The following PPIP5K1 variants were observed in gnomAD, a reference collection of about 807,000 sequenced individuals.
The protein encoded by PPIP5K1 is diphosphoinositol pentakisphosphate kinase 1.
Under a neutral mutation model 27.7 loss-of-function variants are expected in PPIP5K1, and 6 were observed. The ratio of observed to expected loss-of-function variants is 0.22; its 90% CI spans 0.12 to 0.43. The LOEUF (loss-of-function observed/expected upper bound fraction) is 0.43, where lower values mean the gene tolerates loss of function less well. PPIP5K1 is among the 20% of genes least tolerant of loss of function. The probability of loss-of-function intolerance (pLI) is 1.00; values close to 1 mark genes in which losing one functional copy is unlikely to be tolerated. For missense variants in PPIP5K1, 394 were observed against 635.4 expected (o/e 0.62, Z 4.08); for synonymous variants, 145 against 242.6 (o/e 0.60, Z 3.74).
intron 30 of PPIP5K1, among the ~76,000 whole-genome samples, chr15:43,542,550 G>A (rs1179604381): frequency 6.6e-6 from 1 of 151,920 alleles, no homozygotes; most frequent in Non-Finnish European, 1.5e-5. Context: ...CTTGGCCTTC[G>A]AAAGTGCTGG....
intron 29 of PPIP5K1, among the ~76,000 whole-genome samples, chr15:43,559,223 C>T (rs1404762920): frequency 6.6e-6 from 1 of 152,092 alleles, no homozygotes; most frequent in African/African-American, 2.4e-5. Flanking sequence ...AAACAGAATC[C>T]CAGTAGGGTA....
chr15:43,537,982 G>A (rs2080133997), intron 31 of PPIP5K1, among the ~76,000 whole-genome samples: 1 of 152,110 alleles, frequency 6.6e-6, no homozygotes, highest in South Asian at 2.1e-4. Flanking sequence ...AAACAGAAGA[G>A]GGAGAAGGGT....
rs1433688717 is a variant in PPIP5K1 at position 43,535,438 on chromosome 15, G to A, written c.3709C>T (p.Pro1237Ser). The change falls in exon 32 of 32, where the codon CCT (proline) becomes TCT (serine). Residue 1237 changes from proline (P) to serine (S), a missense_variant. Around this residue, in one of 4 missense-constraint regions of PPIP5K1, gnomAD observed 379 missense variants for 423.9 expected, o/e 0.89. Transcript: ENST00000420765. ...GPSSTVSSAG[P>S]SSPTTVDGNS... ...CCATCTACTGTAGTAGGGGAAGAAG[G>A]ACCAGCACTGGACACAGTGCTAGAA... 1.2e-6 allele frequency: 2 copies of A among 1,607,916 alleles called. No homozygotes were observed. Among genetic ancestry groups the A allele is most frequent in the East Asian group, 2.2e-5 (1 of 44,870 alleles).
chr15:43,549,027 CAAAAAAAAA>C (rs1160828750), intron 30 of PPIP5K1, among the ~76,000 whole-genome samples: 14 of 28,664 alleles, frequency 4.9e-4, no homozygotes, highest in African/African-American at 1.6e-3. Context: ...GACTCCATCT[CAAAAAAAAA>C]AAAAAAAAAA....
At chr15:43,555,153 A>G (rs2082772872) in intron 30 of PPIP5K1, among the ~76,000 whole-genome samples, 1 of 152,044 alleles carries the variant, frequency 6.6e-6, no homozygotes, top group Non-Finnish European at 1.5e-5. Flanking sequence ...AGTATAAACT[A>G]TAAATTAATA....
chr15:43,551,777 G>C (rs1595805690), intron 30 of PPIP5K1, among the ~76,000 whole-genome samples: 1 of 150,256 alleles, frequency 6.7e-6, no homozygotes, highest in Non-Finnish European at 1.5e-5. Flanking sequence ...TAATTTTTTT[G>C]TATTTTTAGT....
Position 43,535,151 on chromosome 15 carries a change from G to A in PPIP5K1, c.3996C>T (p.Leu1332=). The change falls in exon 32 of 32, where the codon CTC becomes CTT. Residue 1332 remains leucine (L), a synonymous_variant. Transcript: ENST00000420765. ...SQPCQDISEA[L]SQPCQKVPDI... is the part of the protein sequence containing the mutation. ...CAGGGACCTTCTGACATGGCTGGCT[G>A]AGCGCCTCAGAAATGTCCTGGCATG... is the stretch of plus-strand genomic sequence containing the variant. The A allele has an allele frequency of 6.2e-7, 1 of 1,613,338 alleles. No homozygotes were observed. The highest frequency in any genetic ancestry group is 8.5e-7 in the Non-Finnish European group (1 of 1,179,782).
intron 29 of PPIP5K1, among the ~76,000 whole-genome samples, chr15:43,559,269 A>G (rs1449404744): frequency 2.0e-5 from 3 of 152,212 alleles, no homozygotes; most frequent in Non-Finnish European, 4.4e-5. Flanking sequence ...CTAGGGGAAT[A>G]AAACAAGGAT....
chr15:43,552,388 T>C (rs2082317929), intron 30 of PPIP5K1, among the ~76,000 whole-genome samples: 1 of 152,058 alleles, frequency 6.6e-6, no homozygotes, highest in South Asian at 2.1e-4. Flanking sequence ...TTGTGAGTTC[T>C]TCTTCGACTC....
At chr15:43,557,830 T>G (rs868099384) in intron 30 of PPIP5K1, among the ~76,000 whole-genome samples, 36 of 129,294 alleles carry the variant, frequency 2.8e-4, no homozygotes, top group African/African-American at 9.9e-4. Flanking sequence ...ATGCATAGCC[T>G]TTTTTTTTTT....
At chr15:43,579,564 C>A (rs1288630086) in intron 10 of PPIP5K1, among the ~76,000 whole-genome samples, 1 of 59,224 alleles carries the variant, frequency 1.7e-5, no homozygotes, top group Non-Finnish European at 2.5e-5. Flanking sequence ...TACATATATA[C>A]GTACATATAT....
At chr15:43,557,290 T>C (rs2083099723) in intron 30 of PPIP5K1, among the ~76,000 whole-genome samples, 1 of 152,010 alleles carries the variant, frequency 6.6e-6, no homozygotes, top group South Asian at 2.1e-4. Flanking sequence ...CTACTAAAAA[T>C]ACAAAAATTA....
chr15:43,549,503 A>G (rs937184461), intron 30 of PPIP5K1, among the ~76,000 whole-genome samples: 1 of 151,950 alleles, frequency 6.6e-6, no homozygotes, highest in Non-Finnish European at 1.5e-5. Context: ...TCTACAAAAA[A>G]TTAGCCAGCC....
Position 43,534,837 on chromosome 15 carries a change from A to C in PPIP5K1, c.4310T>G (p.Ile1437Ser), listed in dbSNP as rs201218665. ...CACAGAGAACTCCTGGTATGGCTGG[A>C]TGACCTCCTCAGGGATCTCTTCAGC... ...SPAEEIPEEV[I>S]QPYQEFSVEV... The change falls in exon 32 of 32, where the codon ATC becomes AGC. Residue 1437 changes from isoleucine to serine, a missense_variant. Ile to Ser is a moderately radical substitution (Grantham distance 142, BLOSUM62 -2). This residue lies in a region of PPIP5K1 where 379 missense variants were observed against 423.9 expected (regional missense o/e 0.89). Coordinates refer to ENST00000420765, the MANE Select transcript of PPIP5K1 (RefSeq NM_001394395.1). 6.2e-7 allele frequency: 1 copy of C among 1,611,850 alleles called. No homozygotes were observed.
In PPIP5K1 at chr15:43,581,211, C is replaced by T. The variant is rs1181798350; in HGVS notation, c.939+16G>A. On this transcript the variant is annotated intron_variant, in intron 9 of 31. Transcript: ENST00000420765. ...CTTTCTCCTTCATTTCACAACCTCC[C>T]TGGGCCCTCCTCTACCTTGAAAGCT... 6.3e-7 allele frequency: 1 copy of T among 1,577,504 alleles called. No homozygotes were observed.
intron 31 of PPIP5K1, among the ~76,000 whole-genome samples, chr15:43,539,048 T>C (rs980426357): frequency 3.3e-5 from 5 of 151,932 alleles, no homozygotes; most frequent in African/African-American, 1.2e-4. Flanking sequence ...CCGTCTCTAC[T>C]AAAAATACAA....
chr15:43,535,049 T>C lies in PPIP5K1; in HGVS notation c.4098A>G (p.Pro1366=). Residue 1366 remains proline, a synonymous_variant, in exon 32 of 32, where the codon CCA becomes CCG. Coordinates refer to ENST00000420765, the MANE Select transcript of PPIP5K1 (RefSeq NM_001394395.1). The part of the protein sequence containing the change: ...TCQEVPHISQ[P]CQKSSQLCQK... The stretch of plus-strand genomic sequence containing the variant: ...GGCACAGTTGGCTGGACTTCTGGCA[T>C]GGCTGGCTGATGTGAGGGACCTCCT... The C allele has an allele frequency of 6.2e-7, 1 of 1,613,802 alleles. No individual in the cohort carries two copies. The highest frequency in any genetic ancestry group is 8.5e-7 in the Non-Finnish European group (1 of 1,179,906).
At chr15:43,555,428 A>G (rs2082810565) in intron 30 of PPIP5K1, among the ~76,000 whole-genome samples, 1 of 151,754 alleles carries the variant, frequency 6.6e-6, no homozygotes, top group African/African-American at 2.4e-5. Flanking sequence ...GGTACATGCC[A>G]CCATACCTGG....
intron 30 of PPIP5K1, among the ~76,000 whole-genome samples, chr15:43,547,246 GTC>G (rs2081486868): frequency 6.6e-6 from 1 of 152,016 alleles, no homozygotes; most frequent in Non-Finnish European, 1.5e-5. Context: ...AAACTGTGTT[GTC>G]TTTTTGTTGT....
Sources: allele counts gnomAD v4.1 joint callset (sites outside exome capture counted in the v4.1 genomes callset), GRCh38; gene constraint gnomAD v4.1.1; regional missense constraint gnomAD v4.1.1; transcripts MANE v1.5; gene names NCBI Gene and HGNC (gene_info 2026-07-23, HGNC 2026-07-21).